The following HIBCH variants were observed in gnomAD, a reference collection of about 807,000 sequenced individuals.
HIBCH encodes the protein 3-hydroxyisobutyryl-CoA hydrolase, mitochondrial.
HIBCH carries 50 observed loss-of-function variants against 58.2 expected under a neutral mutation model. That is an observed-to-expected ratio of 0.86 (90% confidence interval 0.68 to 1.09). HIBCH has a LOEUF of 1.09. HIBCH is among the 50% of genes least tolerant of loss of function. The probability of loss-of-function intolerance (pLI) is 0.00; values close to 1 mark genes in which losing one functional copy is unlikely to be tolerated. For missense variants in HIBCH, 450 were observed against 449.7 expected (o/e 1.00, Z -0.01); for synonymous variants, 151 against 146.9 (o/e 1.03, Z -0.20).
Position 190,236,192 on chromosome 2 carries a change from G to C in HIBCH, c.891+8695C>G, listed in dbSNP as rs1278418459. 6.6e-6 allele frequency among the ~76,000 whole-genome samples: 1 copy of C among 152,134 alleles called. No homozygotes were observed. The highest frequency in any genetic ancestry group is 2.4e-5 in the African/African-American group (1 of 41,432). On this transcript the variant is annotated intron_variant, in intron 11 of 13. Coordinates refer to ENST00000359678, the MANE Select transcript of HIBCH (RefSeq NM_014362.4). This position sits in a 1 kb window ranked among gnomAD's most constrained non-coding sequence, Gnocchi z 4.1. Reference sequence around the variant, plus strand: ...TTACAATATTGCCACTGAAGATCTGGAGCTGTGTTGTGTTGTTGTAAGGCT... The same window carrying C: ...TTACAATATTGCCACTGAAGATCTGCAGCTGTGTTGTGTTGTTGTAAGGCT...
At chr2:190,269,625 G>A (rs1481666180) in intron 6 of HIBCH, among the ~76,000 whole-genome samples, 1 of 152,150 alleles carries the variant, frequency 6.6e-6, no homozygotes, top group Admixed American at 6.5e-5. Flanking sequence ...CTGCTGGTGG[G>A]AGTGTAAATT....
intron 2 of HIBCH, among the ~76,000 whole-genome samples, chr2:190,309,754 T>A (rs774633547): frequency 6.6e-6 from 1 of 151,908 alleles, no homozygotes; most frequent in African/African-American, 2.4e-5. Flanking sequence ...AGAGATGGGG[T>A]TTCACAGTCT....
intron 7 of HIBCH, among the ~76,000 whole-genome samples, chr2:190,256,030 GAA>G (rs909249232): frequency 6.6e-6 from 1 of 152,084 alleles, no homozygotes; most frequent in African/African-American, 2.4e-5. Flanking sequence ...GGTAGTAGGA[GAA>G]AAAAGAGTGA....
chr2:190,282,823 C>T (rs551402346), intron 6 of HIBCH, among the ~76,000 whole-genome samples: 1 of 143,816 alleles, frequency 7.0e-6, no homozygotes, highest in Admixed American at 7.2e-5. Flanking sequence ...ACTGTATATT[C>T]CTAGTTGTTA....
chr2:190,208,700 T>C, intron 13 of HIBCH, 180 bp downstream of exon 13: 1 of 605,602 alleles, frequency 1.7e-6, no homozygotes, highest in Non-Finnish European at 2.9e-6. Context: ...TTTGGAATAT[T>C]TGCATTATAC....
At chr2:190,249,750 G>A (rs774638836) in intron 8 of HIBCH, 24 bp from the exon 9 acceptor site, 1 of 1,416,588 alleles carries the variant, frequency 7.1e-7, no homozygotes, top group South Asian at 1.2e-5. Context: ...AGAAAAAAAG[G>A]AAAGATCTTA....
rs115784927 is a variant in HIBCH, at chr2:190,265,724, T to C, written c.439-4490A>G. The stretch of plus-strand genomic sequence containing the variant: ...TCTTCATAAAAAGGTTTTTAAAGAC[T>C]TACTTTCATTAACAGTTATGGATTA... On this transcript the variant is annotated intron_variant, in intron 6 of 13. Transcript: ENST00000359678. 6.7e-3 allele frequency among the ~76,000 whole-genome samples: 1,024 copies of C among 152,328 alleles called. 13 individuals are homozygous for C. Among genetic ancestry groups the C allele is most frequent in the African/African-American group, 0.022 (932 of 41,586 alleles).
chr2:190,224,599 T>C (rs917034796), intron 11 of HIBCH, among the ~76,000 whole-genome samples: 5 of 152,134 alleles, frequency 3.3e-5, no homozygotes, highest in Non-Finnish European at 7.3e-5. Context: ...CCTAAATATA[T>C]ATGCACCCAA....
At chr2:190,272,342 A>G (rs1166228406) in intron 6 of HIBCH, among the ~76,000 whole-genome samples, 1 of 152,196 alleles carries the variant, frequency 6.6e-6, no homozygotes, top group Non-Finnish European at 1.5e-5. Context: ...AATGATGGCT[A>G]AAGTCATAAT....
At chr2:190,295,354 G>A (rs1250431294) in intron 3 of HIBCH, among the ~76,000 whole-genome samples, 1 of 152,098 alleles carries the variant, frequency 6.6e-6, no homozygotes, top group Non-Finnish European at 1.5e-5. Flanking sequence ...GATATCCTGG[G>A]GATTGGGAAT....
In HIBCH at chr2:190,228,058, C is replaced by T. The variant is rs186969778; in HGVS notation, c.892-14983G>A. Among the ~76,000 whole-genome samples, 955 of 152,186 alleles carry T rather than the reference C, an allele frequency of 6.3e-3. 9 individuals are homozygous for T. Among genetic ancestry groups the T allele is most frequent in the African/African-American group, 0.022 (907 of 41,504 alleles). ...CAGCCATCCCATTACCGAGTATGTA[C>T]CCAAAGGAGTATAAATCATGCTGCC... On this transcript the variant is annotated intron_variant, in intron 11 of 13. Transcript: ENST00000359678.
intron 2 of HIBCH, among the ~76,000 whole-genome samples, chr2:190,305,564 C>G (rs943135967): frequency 6.6e-6 from 1 of 152,136 alleles, no homozygotes; most frequent in Non-Finnish European, 1.5e-5. Flanking sequence ...TACAACAACC[C>G]TGTTTCCAGA....
At chr2:190,227,045 C>G (rs2105915833) in intron 11 of HIBCH, among the ~76,000 whole-genome samples, 1 of 152,242 alleles carries the variant, frequency 6.6e-6, no homozygotes, top group Middle Eastern at 3.4e-3. Context: ...ATCAAGCTAC[C>G]AATGACTTTC....
intron 10 of HIBCH, 89 bp from the exon 11 acceptor site, chr2:190,245,057 CCT>C (rs1686566288): frequency 8.3e-6 from 7 of 848,442 alleles, no homozygotes; most frequent in South Asian, 2.7e-5. Flanking sequence ...CTTTCCCCCA[CCT>C]CTGTTTCAAT....
chr2:190,261,208 T>A lies in HIBCH; in HGVS notation c.465A>T (p.Gln155His). Reference sequence around the variant, plus strand: ...GACACTTTTCTGTAGCCACTCGAAATTGCCCATGGACTGAGAGACCAACTC... The same window carrying A: ...GACACTTTTCTGTAGCCACTCGAAAATGCCCATGGACTGAGAGACCAACTC... ...GGGVGLSVHG[Q>H]FRVATEKCLF... The change falls in exon 7 of 14, where the codon CAA becomes CAT. Residue 155 changes from glutamine (Q) to histidine (H), a missense_variant. Coordinates refer to ENST00000359678, the MANE Select transcript of HIBCH (RefSeq NM_014362.4). The A allele has an allele frequency of 6.2e-7, 1 of 1,613,544 alleles. No individual in the cohort carries two copies. Among genetic ancestry groups the A allele is most frequent in the Non-Finnish European group, 8.5e-7 (1 of 1,179,726 alleles).
chr2:190,235,720 A>C (rs970801939), intron 11 of HIBCH, among the ~76,000 whole-genome samples: 2 of 152,182 alleles, frequency 1.3e-5, no homozygotes, highest in African/African-American at 4.8e-5. Flanking sequence ...TCTCTCTGGA[A>C]TACCCTTTGG....
intron 1 of HIBCH, among the ~76,000 whole-genome samples, chr2:190,317,073 C>A (rs1419277848): frequency 6.6e-6 from 1 of 152,154 alleles, no homozygotes; most frequent in Non-Finnish European, 1.5e-5. Context: ...GCCACCATAC[C>A]CAGCTAGTTT....
intron 2 of HIBCH, among the ~76,000 whole-genome samples, chr2:190,299,449 C>T (rs981455717): frequency 2.0e-5 from 3 of 152,030 alleles, no homozygotes; most frequent in African/African-American, 7.2e-5. Flanking sequence ...CAAATAAAAA[C>T]TTTAGCAACA....
chr2:190,214,301 A>G lies in HIBCH; in HGVS notation c.892-1226T>C, dbSNP rs1575696823. ...TCAGAGAACCCGGAGTGTGCAAGAA[A>G]CCTCCAGTAAGGGGGGCTGAGTACA... is the stretch of plus-strand genomic sequence containing the variant. On this transcript the variant is annotated intron_variant, in intron 11 of 13. Coordinates refer to ENST00000359678, the MANE Select transcript of HIBCH (RefSeq NM_014362.4). The surrounding 1 kb of genome is among the most constrained non-coding windows in gnomAD (Gnocchi z 5.5). 2 of 152,238 alleles carry G rather than the reference A, an allele frequency of 1.3e-5. No individual in the cohort carries two copies. Among genetic ancestry groups the G allele is most frequent in the South Asian group, 4.2e-4 (2 of 4,804 alleles). 9.4% of individuals were successfully genotyped at this position (152,238 alleles called of 1,614,324 possible).
Sources: gnomAD v4.1 joint callset for allele counts (sites outside exome capture counted in the v4.1 genomes callset) on GRCh38, gnomAD v4.1.1 for gene constraint, Gnocchi (gnomAD v3.1) non-coding constraint, MANE v1.5 for transcripts, NCBI Gene and HGNC (gene_info 2026-07-23, HGNC 2026-07-21) for gene names.